The following NLGN1 variants were observed in gnomAD, a reference collection of about 807,000 sequenced individuals.
NLGN1 encodes neuroligin-1.
Under a neutral mutation model 65.5 loss-of-function variants are expected in NLGN1, and 12 were observed. The observed-to-expected ratio is 0.18, with a 90% CI of 0.12 to 0.30. The LOEUF is 0.30. Among genes scored for constraint, NLGN1 ranks in the 10% least tolerant of loss-of-function variants. The pLI is 1.00. For missense variants in NLGN1, 750 were observed against 1,007.1 expected (o/e 0.74, Z 3.46); for synonymous variants, 350 against 359.5 (o/e 0.97, Z 0.30).
At chr3:174,173,203 T>G (rs2152736728) in intron 4 of NLGN1, among the ~76,000 whole-genome samples, 2 of 152,204 alleles carry the variant, frequency 1.3e-5, no homozygotes, top group South Asian at 4.1e-4. Context: ...CAGCTCTAGT[T>G]TTTTGGTGGA....
chr3:173,911,208 A>G (rs1739516765), intron 4 of NLGN1, among the ~76,000 whole-genome samples: 1 of 152,222 alleles, frequency 6.6e-6, no homozygotes, highest in Non-Finnish European at 1.5e-5. Flanking sequence ...TTAAGCTGTT[A>G]CAAGCGCCAG....
At chr3:173,851,466 T>G (rs1318213442) in intron 4 of NLGN1, among the ~76,000 whole-genome samples, 2 of 152,204 alleles carry the variant, frequency 1.3e-5, no homozygotes, top group African/African-American at 2.4e-5. Flanking sequence ...TTAACTCATA[T>G]TTTACAAATG....
chr3:173,659,709 T>C (rs1182760526), intron 3 of NLGN1, among the ~76,000 whole-genome samples: 1 of 151,834 alleles, frequency 6.6e-6, no homozygotes, highest in African/African-American at 2.4e-5. Context: ...CAAATCATGG[T>C]GTGTACCTTA....
intron 4 of NLGN1, among the ~76,000 whole-genome samples, chr3:174,149,607 G>A (rs1156566055): frequency 1.3e-5 from 2 of 151,940 alleles, no homozygotes; most frequent in Admixed American, 6.6e-5. Flanking sequence ...TATTATTTAT[G>A]GCCTTTAAAA....
At chr3:174,120,942 A>G (rs184083854) in intron 4 of NLGN1, among the ~76,000 whole-genome samples, 21 of 152,266 alleles carry the variant, frequency 1.4e-4, no homozygotes, top group African/African-American at 5.1e-4. Flanking sequence ...CAGCACTGTT[A>G]TTTGACCCTC....
intron 3 of NLGN1, among the ~76,000 whole-genome samples, chr3:173,747,473 G>A (rs538908660): frequency 6.0e-5 from 9 of 149,436 alleles, no homozygotes; most frequent in African/African-American, 1.7e-4. Flanking sequence ...TTTGGTTAAC[G>A]TCTGCATAAG....
intron 4 of NLGN1, among the ~76,000 whole-genome samples, chr3:174,211,064 C>T (rs969744145): frequency 2.6e-5 from 4 of 152,182 alleles, no homozygotes; most frequent in African/African-American, 9.6e-5. Context: ...TTTCTTCCTT[C>T]TGGTGGGTTC....
chr3:173,814,142 G>A lies in NLGN1; in HGVS notation c.646+6310G>A, dbSNP rs775048259. Among the ~76,000 whole-genome samples the A allele has an allele frequency of 4.6e-5, 7 of 152,308 alleles. No homozygotes were observed. In the South Asian group the frequency reaches 8.3e-4, roughly 18 times the overall value. Reference sequence around the variant, plus strand: ...GGCTTTCACCCAGGGTGCGTGTCTCGCCCACAGGGGCACCCCATAGTGTCA... The same window carrying A: ...GGCTTTCACCCAGGGTGCGTGTCTCACCCACAGGGGCACCCCATAGTGTCA... On this transcript the variant is annotated intron_variant, in intron 4 of 6. Coordinates refer to ENST00000457714, the Ensembl canonical transcript of NLGN1.
intron 3 of NLGN1, among the ~76,000 whole-genome samples, chr3:173,634,444 T>C (rs1207861373): frequency 6.6e-6 from 1 of 152,084 alleles, no homozygotes; most frequent in African/African-American, 2.4e-5. Flanking sequence ...AATACTTATA[T>C]GCATTAGTAC....
At chr3:174,024,160 A>C (rs1488716423) in intron 4 of NLGN1, among the ~76,000 whole-genome samples, 6 of 151,680 alleles carry the variant, frequency 4.0e-5, no homozygotes, top group East Asian at 1.9e-4. Context: ...AAAAAAAAAA[A>C]AAAAAACACG....
intron 2 of NLGN1, among the ~76,000 whole-genome samples, chr3:173,530,828 A>G (rs1736445703): frequency 1.3e-5 from 2 of 151,990 alleles, no homozygotes; most frequent in South Asian, 2.1e-4. Context: ...TTTGTCATTT[A>G]GTTTATAATT....
At chr3:174,100,288 A>C (rs1487248473) in intron 4 of NLGN1, among the ~76,000 whole-genome samples, 3 of 151,922 alleles carry the variant, frequency 2.0e-5, no homozygotes, top group Admixed American at 6.6e-5. Context: ...AAAAAAAAAA[A>C]ACTTTATTTT....
At chr3:173,549,060 C>CA (rs1002265223) in intron 2 of NLGN1, among the ~76,000 whole-genome samples, 4 of 151,682 alleles carry the variant, frequency 2.6e-5, no homozygotes, top group South Asian at 2.1e-4. Context: ...GCTTTCATTT[C>CA]AAAAAAAATT....
chr3:174,246,215 T>C (rs1430114560), intron 4 of NLGN1, among the ~76,000 whole-genome samples: 1 of 152,224 alleles, frequency 6.6e-6, no homozygotes, highest in African/African-American at 2.4e-5. Flanking sequence ...AGATTCCCAC[T>C]ACATTTTTAC....
intron 4 of NLGN1, among the ~76,000 whole-genome samples, chr3:173,936,553 T>C (rs1227197885): frequency 6.6e-6 from 1 of 152,096 alleles, no homozygotes; most frequent in African/African-American, 2.4e-5. Context: ...TGCAGTTTAC[T>C]GCAGTATTTT....
chr3:174,096,066 A>AT (rs1364382059), intron 4 of NLGN1, among the ~76,000 whole-genome samples: 2 of 151,816 alleles, frequency 1.3e-5, no homozygotes, highest in Non-Finnish European at 2.9e-5. Flanking sequence ...TGAGCCTTAT[A>AT]TACAAAGAGT....
chr3:173,618,221 G>A (rs1753437156), intron 3 of NLGN1, among the ~76,000 whole-genome samples: 1 of 151,884 alleles, frequency 6.6e-6, no homozygotes, highest in Non-Finnish European at 1.5e-5. Context: ...TTAGAGACAG[G>A]GTCTCACTCT....
Position 173,567,477 on chromosome 3 carries a change from CGTT to C in NLGN1, c.-320-36801_-320-36799del, listed in dbSNP as rs574163684. Among the ~76,000 whole-genome samples, 184 of 151,782 alleles carry C rather than the reference CGTT, an allele frequency of 1.2e-3. 1 individual carries two copies. The highest frequency in any genetic ancestry group is 6.9e-3 in the Middle Eastern group (2 of 290). ...ATATATACACTCATTCAAAAAATAA[CGTT>C]TAATTTTTATGTGCTTCAAATTTCT... On this transcript the variant is annotated intron_variant, in intron 2 of 6. Coordinates refer to ENST00000457714, the Ensembl canonical transcript of NLGN1.
chr3:173,529,577 C>T (rs757679340), intron 2 of NLGN1, among the ~76,000 whole-genome samples: 7 of 152,112 alleles, frequency 4.6e-5, no homozygotes, highest in Non-Finnish European at 7.4e-5. Context: ...TTTATCACAC[C>T]CCTGTCCTGG....
Sources: allele counts gnomAD v4.1 joint callset (sites outside exome capture counted in the v4.1 genomes callset), GRCh38; gene constraint gnomAD v4.1.1; transcripts MANE v1.5; gene names NCBI Gene and HGNC (gene_info 2026-07-23, HGNC 2026-07-21).